Variants in SHANK2 observed in about 807,000 individuals in gnomAD.
SHANK2 encodes SH3 and multiple ankyrin repeat domains protein 2.
A neutral mutation model predicts 133.7 loss-of-function variants in SHANK2; 43 were observed. The ratio of observed to expected loss-of-function variants is 0.32; its 90% CI spans 0.25 to 0.41. SHANK2 has a LOEUF of 0.41. Ranked by LOEUF, SHANK2 falls within the 10% of genes least tolerant of loss-of-function variation. The probability of loss-of-function intolerance (pLI) is 1.00; values close to 1 mark genes in which losing one functional copy is unlikely to be tolerated. For missense variants in SHANK2, 1,994 were observed against 2,235.8 expected (o/e 0.89, Z 2.18); for synonymous variants, 1,017 against 952.8 (o/e 1.07, Z -1.24).
At chr11:71,182,520 T>C (rs1953579768) in intron 2 of SHANK2, among the ~76,000 whole-genome samples, 1 of 152,206 alleles carries the variant, frequency 6.6e-6, no homozygotes. Flanking sequence ...TTCAGGTGCA[T>C]GGCCTCAGGC....
intron 3 of SHANK2, among the ~76,000 whole-genome samples, chr11:71,133,237 AATGGATGG>A (rs533210236): frequency 7.7e-4 from 84 of 109,136 alleles, no homozygotes; most frequent in African/African-American, 1.6e-3. Flanking sequence ...TGCACAGATG[AATGGATGG>A]ATGGATGGAT....
At chr11:71,180,829 A>G (rs545112709) in intron 2 of SHANK2, among the ~76,000 whole-genome samples, 3 of 152,036 alleles carry the variant, frequency 2.0e-5, no homozygotes, top group Non-Finnish European at 4.4e-5. Context: ...ACCACTGGAG[A>G]GGAAGCAAAA....
At chr11:70,581,226 C>T (rs2060180466) in intron 17 of SHANK2, among the ~76,000 whole-genome samples, 1 of 152,228 alleles carries the variant, frequency 6.6e-6, no homozygotes, top group Non-Finnish European at 1.5e-5. Context: ...TGAAATAAAA[C>T]CACAAACCTG....
rs570844734 is a variant in SHANK2, at chr11:71,166,071, G to A, written c.-12-18733C>T. ...AAGCACACACTACTGCTCGCCTGGT[G>A]TCAGCCCTTCCCTTGAAGGAGGCTC... On this transcript the variant is annotated intron_variant, in intron 2 of 25. Transcript: ENST00000601538. Among the ~76,000 whole-genome samples, 20 of 152,332 alleles carry A rather than the reference G, an allele frequency of 1.3e-4. No homozygotes were observed. In the East Asian group the frequency reaches 3.7e-3, roughly 28 times the overall value.
chr11:70,486,798 A>C lies in SHANK2; in HGVS notation c.3495T>G (p.Ala1165=), dbSNP rs2058814414. The C allele has an allele frequency of 6.2e-7, 1 of 1,612,060 alleles. No individual in the cohort carries two copies. Among genetic ancestry groups the C allele is most frequent in the African/African-American group, 1.3e-5 (1 of 74,904 alleles). Residue 1165 remains alanine (A), a synonymous_variant, in exon 25 of 26, where the codon GCT becomes GCG. Transcript: ENST00000601538. The surrounding 1 kb of genome is among the most constrained non-coding windows in gnomAD (Gnocchi z 8.0). ...TCAGCGGCCTCCCAGCCTCACCCGGAGCACTGGCCTCGGCGCCACCCACGA... is the reference window on the plus strand; with the variant it reads ...TCAGCGGCCTCCCAGCCTCACCCGGCGCACTGGCCTCGGCGCCACCCACGA... ...NHFVGGAEAS[A]PGEAGRPLNS...
At chr11:71,157,021 C>A (rs1267550170) in intron 2 of SHANK2, among the ~76,000 whole-genome samples, 1 of 152,154 alleles carries the variant, frequency 6.6e-6, no homozygotes, top group African/African-American at 2.4e-5. Flanking sequence ...ATGTAAATGA[C>A]GAGTTAATGG....
chr11:70,666,450 G>A (rs1944679306), intron 15 of SHANK2, among the ~76,000 whole-genome samples: 1 of 152,168 alleles, frequency 6.6e-6, no homozygotes, highest in Admixed American at 6.5e-5. Context: ...AACCCTCAGA[G>A]GCTCCTTCTG....
At chr11:70,743,877 C>A (rs1946584587) in intron 14 of SHANK2, among the ~76,000 whole-genome samples, 1 of 152,196 alleles carries the variant, frequency 6.6e-6, no homozygotes, top group Admixed American at 6.5e-5. Context: ...GACACCCCCA[C>A]ATGGCTCTTT....
At chr11:71,158,234 T>C (rs1952939719) in intron 2 of SHANK2, among the ~76,000 whole-genome samples, 1 of 152,088 alleles carries the variant, frequency 6.6e-6, no homozygotes, top group South Asian at 2.1e-4. Context: ...AATTAAATAA[T>C]GTGTAACCAT....
chr11:71,245,408 C>T (rs1025170608), intron 1 of SHANK2, among the ~76,000 whole-genome samples: 1 of 152,194 alleles, frequency 6.6e-6, no homozygotes, highest in Non-Finnish European at 1.5e-5. Flanking sequence ...ATTCTAATAG[C>T]GTAAATAACA....
chr11:71,111,815 C>T (rs1236036087), intron 5 of SHANK2, among the ~76,000 whole-genome samples: 2 of 152,216 alleles, frequency 1.3e-5, no homozygotes, highest in African/African-American at 4.8e-5. Context: ...TTCACAAATA[C>T]GTTTTTATCT....
chr11:70,636,997 C>T (rs922162376), intron 17 of SHANK2, among the ~76,000 whole-genome samples: 5 of 151,804 alleles, frequency 3.3e-5, no homozygotes, highest in African/African-American at 4.8e-5. Flanking sequence ...AGTCTGGCGG[C>T]GGGAAGTCTA....
intron 2 of SHANK2, among the ~76,000 whole-genome samples, chr11:71,203,915 G>T (rs1424007400): frequency 6.6e-6 from 1 of 152,190 alleles, no homozygotes; most frequent in Admixed American, 6.5e-5. Flanking sequence ...ATCTTTGGGG[G>T]GAACCATCTA....
At chr11:71,229,890 T>C (rs76293487) in intron 1 of SHANK2, among the ~76,000 whole-genome samples, 1 of 151,818 alleles carries the variant, frequency 6.6e-6, no homozygotes, top group African/African-American at 2.4e-5. Context: ...TCTAAAAAAA[T>C]TGAGAGACAT....
chr11:70,771,728 C>T (rs926870619), intron 14 of SHANK2, among the ~76,000 whole-genome samples: 15 of 152,184 alleles, frequency 9.9e-5, no homozygotes, highest in Non-Finnish European at 2.2e-4. Context: ...AGCTGGGCTG[C>T]CGGCCAGCCT....
rs144647209 is a variant in SHANK2, at chr11:71,198,972, G to A, written c.-13+25725C>T. The stretch of plus-strand genomic sequence containing the variant: ...GGCCCATTTCCTCGAATTCCATCCC[G>A]TTCTGCTCAGTCACCTGCCACCATG... On this transcript the variant is annotated intron_variant, in intron 2 of 25. Coordinates refer to ENST00000601538, the MANE Select transcript of SHANK2 (RefSeq NM_012309.5). Among the ~76,000 whole-genome samples the A allele has an allele frequency of 1.1e-3, 162 of 152,260 alleles. 2 individuals are homozygous for A. In the East Asian group the frequency reaches 0.027, roughly 25 times the overall value.
At chr11:71,178,273 T>A (rs1027885786) in intron 2 of SHANK2, among the ~76,000 whole-genome samples, 1 of 152,242 alleles carries the variant, frequency 6.6e-6, no homozygotes, top group Non-Finnish European at 1.5e-5. Flanking sequence ...AAATTCTGAC[T>A]CATGCTACAA....
At chr11:70,874,961 A>G (rs1949533097) in intron 11 of SHANK2, among the ~76,000 whole-genome samples, 1 of 152,252 alleles carries the variant, frequency 6.6e-6, no homozygotes, top group Non-Finnish European at 1.5e-5. Context: ...TGAGAACCAC[A>G]TGTAACTATA....
At chr11:70,653,507 A>C (rs2061364595) in intron 17 of SHANK2, among the ~76,000 whole-genome samples, 1 of 144,624 alleles carries the variant, frequency 6.9e-6, no homozygotes, top group Non-Finnish European at 1.5e-5. Flanking sequence ...CAGTGGTGCG[A>C]TCTCGGCTCA....
Sources: gnomAD v4.1 joint callset for allele counts (sites outside exome capture counted in the v4.1 genomes callset) on GRCh38, gnomAD v4.1.1 for gene constraint, Gnocchi (gnomAD v3.1) non-coding constraint, MANE v1.5 for transcripts, NCBI Gene and HGNC (gene_info 2026-07-23, HGNC 2026-07-21) for gene names.